RIBC2: variants seen among roughly 807,000 people sequenced by gnomAD.
The protein encoded by RIBC2 is RIB43A domain with coiled-coils 2.
A neutral mutation model predicts 44.3 loss-of-function variants in RIBC2; 40 were observed. The ratio of observed to expected loss-of-function variants is 0.90; its 90% CI spans 0.70 to 1.18. The LOEUF is 1.18. Among genes scored for constraint, RIBC2 ranks in the 50% most tolerant of loss-of-function variants. The pLI is 0.00. For synonymous variants in RIBC2, 171 were observed against 175.0 expected (o/e 0.98, Z 0.18); for missense variants, 459 against 485.5 (o/e 0.95, Z 0.51).
chr22:45,414,163 G>C (rs1173711060), intron 1 of RIBC2, 148 bp downstream of exon 1: 7 of 1,478,396 alleles, frequency 4.7e-6, no homozygotes, highest in Non-Finnish European at 6.3e-6. Flanking sequence ...GCTCCCTCTC[G>C]AGCTCGCCTG....
At chr22:45,431,464 C>T (rs1474884363) in intron 6 of RIBC2, among the ~76,000 whole-genome samples, 1 of 152,212 alleles carries the variant, frequency 6.6e-6, no homozygotes, top group Admixed American at 6.5e-5. Context: ...ATAGACAGGA[C>T]TCCAAGAGTT....
chr22:45,414,835 A>G (rs1602109475), intron 2 of RIBC2, among the ~76,000 whole-genome samples: 1 of 152,150 alleles, frequency 6.6e-6, no homozygotes, highest in Admixed American at 6.5e-5. Context: ...AAAACTGGAT[A>G]GGAAAAGCCT....
chr22:45,416,662 A>AT (rs1194048110), intron 2 of RIBC2, among the ~76,000 whole-genome samples: 1 of 151,926 alleles, frequency 6.6e-6, no homozygotes, highest in Non-Finnish European at 1.5e-5. Context: ...GGGTTTCACC[A>AT]TCTTGGCCAG....
At chr22:45,414,972 G>C (rs2087406752) in intron 2 of RIBC2, among the ~76,000 whole-genome samples, 1 of 152,038 alleles carries the variant, frequency 6.6e-6, no homozygotes, top group East Asian at 1.9e-4. Context: ...CTGACTCAGA[G>C]ACAGACATGA....
At chr22:45,425,796 C>T in intron 4 of RIBC2, 152 bp from the exon 5 acceptor site, 1 of 674,886 alleles carries the variant, frequency 1.5e-6, no homozygotes, top group South Asian at 1.8e-5. Flanking sequence ...GACCCACCCA[C>T]ATCCGTGCCT....
intron 4 of RIBC2, 65 bp from the exon 5 acceptor site, chr22:45,425,883 G>A (rs775315964): frequency 2.2e-6 from 3 of 1,393,690 alleles, no homozygotes; most frequent in Non-Finnish European, 3.0e-6. Flanking sequence ...AGATTTGCTG[G>A]CCTGGGTGTC....
chr22:45,424,111 C>T (rs1430164556), intron 4 of RIBC2, among the ~76,000 whole-genome samples: 1 of 152,206 alleles, frequency 6.6e-6, no homozygotes, highest in East Asian at 1.9e-4. Flanking sequence ...GCCTGGTTTT[C>T]TCAGACCCCC....
At chr22:45,414,438 G>A (rs1369127345) in intron 2 of RIBC2, 35 bp downstream of exon 2, 3 of 1,451,764 alleles carry the variant, frequency 2.1e-6, no homozygotes, top group Non-Finnish European at 1.9e-6. Context: ...TATTGGTTTA[G>A]GATTGTGTGG....
At chr22:45,417,238 C>T (rs1250432825) in intron 2 of RIBC2, among the ~76,000 whole-genome samples, 2 of 152,118 alleles carry the variant, frequency 1.3e-5, no homozygotes, top group African/African-American at 2.4e-5. Context: ...GCCGTTCCTA[C>T]ACTTTGCCCA....
At chr22:45,421,563 T>G (rs2087483188) in intron 3 of RIBC2, among the ~76,000 whole-genome samples, 1 of 115,832 alleles carries the variant, frequency 8.6e-6, no homozygotes, top group Non-Finnish European at 1.7e-5. Flanking sequence ...ATAATAGTAT[T>G]ATTAATAATA....
intron 6 of RIBC2, 62 bp from the exon 7 acceptor site, chr22:45,432,222 A>G (rs1159778607): frequency 2.8e-5 from 26 of 932,826 alleles, no homozygotes; most frequent in Non-Finnish European, 3.4e-5. Context: ...AAAAAAAAAA[A>G]AAAGAAAGAA....
intron 4 of RIBC2, among the ~76,000 whole-genome samples, chr22:45,424,677 A>T (rs1433469981): frequency 6.6e-6 from 1 of 150,908 alleles, no homozygotes; most frequent in East Asian, 2.0e-4. Context: ...CTGCAGGAGG[A>T]GGGAAGGAAT....
chr22:45,414,156 C>A (rs2087393071), intron 1 of RIBC2, 141 bp downstream of exon 1: 1 of 1,477,384 alleles, frequency 6.8e-7, no homozygotes, highest in Non-Finnish European at 9.0e-7. Flanking sequence ...CAATAATGCT[C>A]CCTCTCGAGC....
chr22:45,427,639 T>C (rs188601918), intron 5 of RIBC2, among the ~76,000 whole-genome samples: 1 of 152,292 alleles, frequency 6.6e-6, no homozygotes, highest in East Asian at 1.9e-4. Context: ...ACAGAGAGAA[T>C]GTATGCATGT....
At chr22:45,426,657 G>A (rs2087537297) in intron 5 of RIBC2, among the ~76,000 whole-genome samples, 1 of 152,194 alleles carries the variant, frequency 6.6e-6, no homozygotes, top group Non-Finnish European at 1.5e-5. Flanking sequence ...CGGAGACGGG[G>A]AACTCTGCAG....
intron 3 of RIBC2, among the ~76,000 whole-genome samples, chr22:45,421,539 TAA>T (rs1317063273): frequency 1.0e-4 from 4 of 38,360 alleles, no homozygotes; most frequent in Non-Finnish European, 1.6e-4. Flanking sequence ...GTATTATTAA[TAA>T]TATTAATAAT....
At chr22:45,426,848 G>T (rs2146887877) in intron 5 of RIBC2, among the ~76,000 whole-genome samples, 1 of 152,272 alleles carries the variant, frequency 6.6e-6, no homozygotes, top group East Asian at 1.9e-4. Context: ...GGCAGTGGGG[G>T]TGCTGAGCAA....
chr22:45,417,606 T>C lies in RIBC2; in HGVS notation c.216T>C (p.Ala72=). ...GATATGCTGTATCTCTTCCAGCTGC[T>C]GAAATGAGGCAAAATGACAAAATCA... is the stretch of plus-strand genomic sequence containing the variant. The part of the protein sequence containing the change: ...TEKARHETFA[A]EMRQNDKIMC... Residue 72 remains alanine (A), a synonymous_variant, in exon 3 of 7, where the codon GCT becomes GCC. Transcript: ENST00000614167. 2 of 1,608,974 alleles carry C rather than the reference T, an allele frequency of 1.2e-6. No homozygotes were observed. Among genetic ancestry groups the C allele is most frequent in the South Asian group, 2.2e-5 (2 of 90,994 alleles).
intron 5 of RIBC2, among the ~76,000 whole-genome samples, chr22:45,430,317 T>C (rs1172655095): frequency 1.3e-5 from 2 of 152,162 alleles, no homozygotes; most frequent in Admixed American, 1.3e-4. Flanking sequence ...TCCACACAAA[T>C]CCAGCTTCCT....
Sources: gnomAD v4.1 joint callset for allele counts (sites outside exome capture counted in the v4.1 genomes callset) on GRCh38, gnomAD v4.1.1 for gene constraint, MANE v1.5 for transcripts, NCBI Gene and HGNC (gene_info 2026-07-23, HGNC 2026-07-21) for gene names.